Variants in ROBO2 observed in about 807,000 individuals in gnomAD.
The protein encoded by ROBO2 is roundabout guidance receptor 2, also known as roundabout homolog 2.
In ROBO2, 53 loss-of-function variants were observed where a neutral mutation model predicts 160.8. The ratio of observed to expected loss-of-function variants is 0.33; its 90% confidence interval spans 0.26 to 0.41. The LOEUF is 0.41. Ranked by LOEUF, ROBO2 falls within the 10% of genes least tolerant of loss-of-function variation. ROBO2 has a pLI of 1.00. For synonymous variants in ROBO2, 664 were observed against 611.7 expected, an observed-to-expected ratio of 1.09 and a Z score of -1.26; for missense variants, 1,577 against 1,722.4, an observed-to-expected ratio of 0.92 and a Z score of 1.49.
chr3:76,556,505 T>C (rs1440988849), intron 2 of ROBO2, among the ~76,000 whole-genome samples: 1 of 152,192 alleles, frequency 6.6e-6, no homozygotes, highest in Non-Finnish European at 1.5e-5. Context: ...TATATCAGTA[T>C]TGTGACAGTT....
chr3:77,000,863 C>G (rs542045072), intron 2 of ROBO2, among the ~76,000 whole-genome samples: 1 of 152,238 alleles, frequency 6.6e-6, no homozygotes, highest in South Asian at 2.1e-4. Context: ...TTCACAGATG[C>G]TACCTCATTT....
chr3:77,099,705 A>G (rs918061424), intron 2 of ROBO2, among the ~76,000 whole-genome samples: 1 of 152,158 alleles, frequency 6.6e-6, no homozygotes, highest in African/African-American at 2.4e-5. Context: ...AAATACCTCA[A>G]TACCAAATTT....
chr3:77,256,592 GC>G (rs2058431018), intron 2 of ROBO2, among the ~76,000 whole-genome samples: 1 of 152,126 alleles, frequency 6.6e-6, no homozygotes, highest in African/African-American at 2.4e-5. Context: ...TAATAAACCT[GC>G]AAGTTAAATA....
intron 2 of ROBO2, among the ~76,000 whole-genome samples, chr3:76,905,883 A>G (rs1470232889): frequency 1.3e-5 from 2 of 152,154 alleles, no homozygotes; most frequent in Non-Finnish European, 2.9e-5. Context: ...TCTGTTACTC[A>G]TGTTTCCCAA....
At chr3:76,089,372 A>G (rs1372960191) in intron 2 of ROBO2, among the ~76,000 whole-genome samples, 2 of 151,642 alleles carry the variant, frequency 1.3e-5, no homozygotes, top group East Asian at 1.9e-4. Context: ...AACCAAAGAT[A>G]TTATAAGAAA....
At chr3:77,308,339 T>C (rs1305130654) in intron 2 of ROBO2, among the ~76,000 whole-genome samples, 1 of 151,980 alleles carries the variant, frequency 6.6e-6, no homozygotes, top group Non-Finnish European at 1.5e-5. Context: ...AGTTTTCTAG[T>C]GATAGATGAA....
At chr3:76,055,126 G>A (rs1236924271) in intron 2 of ROBO2, among the ~76,000 whole-genome samples, 3 of 152,116 alleles carry the variant, frequency 2.0e-5, no homozygotes, top group Non-Finnish European at 4.4e-5. Context: ...AGGGAAGAGG[G>A]CATGTGCTTT....
chr3:77,244,587 T>C (rs887416859), intron 2 of ROBO2, among the ~76,000 whole-genome samples: 1 of 151,904 alleles, frequency 6.6e-6, no homozygotes, highest in Non-Finnish European at 1.5e-5. Flanking sequence ...TTTTAGAAAA[T>C]CCCAACTTAA....
chr3:77,043,119 C>G (rs1053002436), intron 1 of ROBO2, among the ~76,000 whole-genome samples: 19 of 152,162 alleles, frequency 1.2e-4, no homozygotes, highest in Admixed American at 6.5e-5. Context: ...ACACTGCCCT[C>G]TAGGCTGTTT....
chr3:76,281,972 G>A (rs1213404283), intron 2 of ROBO2, among the ~76,000 whole-genome samples: 3 of 151,950 alleles, frequency 2.0e-5, no homozygotes, highest in African/African-American at 4.8e-5. Flanking sequence ...TTAATTGAAT[G>A]GACTGTTTGA....
intron 15 of ROBO2, among the ~76,000 whole-genome samples, chr3:77,578,794 G>C (rs1239395049): frequency 6.6e-6 from 1 of 151,982 alleles, no homozygotes; most frequent in Non-Finnish European, 1.5e-5. Context: ...GTGTGTGTGT[G>C]TTTTAATGAG....
intron 2 of ROBO2, among the ~76,000 whole-genome samples, chr3:76,622,096 T>G: frequency 6.6e-6 from 1 of 151,340 alleles, no homozygotes; most frequent in Admixed American, 6.6e-5. Context: ...GTAATCCCAG[T>G]ACCTTGGGAG....
chr3:76,803,313 C>T (rs1182347037), intron 2 of ROBO2, among the ~76,000 whole-genome samples: 2 of 151,892 alleles, frequency 1.3e-5, no homozygotes, highest in Non-Finnish European at 2.9e-5. Context: ...TGTTCCTTTT[C>T]TCTTTCATTC....
intron 2 of ROBO2, among the ~76,000 whole-genome samples, chr3:76,134,301 C>T (rs897201061): frequency 4.0e-5 from 6 of 151,750 alleles, no homozygotes; most frequent in African/African-American, 9.7e-5. Context: ...TGATAACCAC[C>T]GTAAATACAG....
chr3:76,796,591 C>A (rs1029106416), intron 2 of ROBO2, among the ~76,000 whole-genome samples: 2 of 151,814 alleles, frequency 1.3e-5, no homozygotes, highest in African/African-American at 2.4e-5. Context: ...CAATAATAAG[C>A]TATTACTTAT....
chr3:76,443,392 C>T (rs899332398), intron 2 of ROBO2, among the ~76,000 whole-genome samples: 5 of 151,960 alleles, frequency 3.3e-5, no homozygotes, highest in East Asian at 1.9e-4. Flanking sequence ...CATGGTCTCC[C>T]GCATCCACTG....
At chr3:76,919,077 T>C (rs1237398146) in intron 2 of ROBO2, among the ~76,000 whole-genome samples, 1 of 152,138 alleles carries the variant, frequency 6.6e-6, no homozygotes, top group Non-Finnish European at 1.5e-5. Flanking sequence ...ATTAGACCTT[T>C]GTCAGATGGC....
chr3:76,231,205 G>A (rs1407380906), intron 2 of ROBO2, among the ~76,000 whole-genome samples: 3 of 152,142 alleles, frequency 2.0e-5, no homozygotes, highest in Admixed American at 2.0e-4. Flanking sequence ...GGAGACTGAT[G>A]CAGCCCAAGT....
intron 2 of ROBO2, among the ~76,000 whole-genome samples, chr3:76,409,860 C>T (rs541338964): frequency 1.3e-5 from 2 of 152,028 alleles, no homozygotes; most frequent in East Asian, 3.9e-4. Flanking sequence ...TTTTTAAATT[C>T]TTGGATTTCA....
Sources: gnomAD v4.1 joint callset for allele counts (sites outside exome capture counted in the v4.1 genomes callset) on GRCh38, gnomAD v4.1.1 for gene constraint, MANE v1.5 for transcripts, NCBI Gene and HGNC (gene_info 2026-07-23, HGNC 2026-07-21) for gene names.